Variants in CCP110 observed in about 807,000 individuals in gnomAD.
The protein encoded by CCP110 is centriolar coiled-coil protein 110, also known as centriolar coiled-coil protein of 110 kDa.
Under a neutral mutation model 105.5 loss-of-function variants are expected in CCP110, and 43 were observed. That is an observed-to-expected ratio of 0.41 (90% CI 0.32 to 0.53). The LOEUF is 0.53. CCP110 is among the 20% of genes least tolerant of loss of function. The pLI, the probability that CCP110 is intolerant of heterozygous loss-of-function variation, is 0.32. For missense variants in CCP110, 1,016 were observed against 1,189.1 expected (o/e 0.85, Z 2.14); for synonymous variants, 353 against 392.1 (o/e 0.90, Z 1.18).
At chr16:19,545,134 T>C in exon 10 of CCP110, 18 of 1,612,446 alleles carry the variant, frequency 1.1e-5, no homozygotes, top group Non-Finnish European at 1.5e-5. Context: ...ATATTCTTTG[T>C]AATGGATGCA....
In CCP110 at chr16:19,544,782, C is replaced by T. The variant is rs1411830627; in HGVS notation, c.2485-15C>T. ...TTCTAGAAAAATGTTTTTGAAGGAG[C>T]ATTTCTTTTTTCAGGATACTATGGA... On this transcript the variant is annotated splice_polypyrimidine_tract_variant and intron_variant, in intron 8 of 14. Transcript: ENST00000381396. 1.6e-6 allele frequency: 2 copies of T among 1,266,552 alleles called. No individual in the cohort carries two copies. Among genetic ancestry groups the T allele is most frequent in the South Asian group, 1.3e-5 (1 of 78,572 alleles). 78.5% of individuals were successfully genotyped at this position (1,266,552 alleles called of 1,614,324 possible).
intron 6 of CCP110, 62 bp downstream of exon 6, chr16:19,542,126 G>T: frequency 8.6e-7 from 1 of 1,158,166 alleles, no homozygotes; most frequent in Non-Finnish European, 1.2e-6. Context: ...TATTTATTTG[G>T]CACACTATAA....
chr16:19,537,501 A>G (rs547824119), exon 4 of CCP110: 4 of 1,609,476 alleles, frequency 2.5e-6, no homozygotes, highest in South Asian at 1.1e-5. Flanking sequence ...ATAACTGAAC[A>G]AGAAAGGCAA....
At chr16:19,537,332 A>T in exon 4 of CCP110, 1 of 1,614,130 alleles carries the variant, frequency 6.2e-7, no homozygotes, top group Non-Finnish European at 8.5e-7. Context: ...TCCTTTATTG[A>T]TGCAAAACCA....
In CCP110 at chr16:19,542,155, CA is replaced by C. The variant is rs149881484; in HGVS notation, c.2227+94del. On this transcript the variant is annotated intron_variant, in intron 6 of 14. Transcript: ENST00000381396. The stretch of plus-strand genomic sequence containing the variant: ...ACTATAAGATTATATCTCCTGTTTT[CA>C]AATGATTCCATGTCCAACCCTCTTT... 4.5e-3 allele frequency: 3,831 copies of C among 859,630 alleles called. 123 individuals carry two copies. The African/African-American group carries it at 0.061, about 14-fold the overall frequency. 53.3% of individuals were successfully genotyped at this position (859,630 alleles called of 1,614,324 possible). A position where few individuals can be genotyped will look rare whatever the true frequency, so the allele number is the denominator to read the frequency against.
intron 3 of CCP110, among the ~76,000 whole-genome samples, chr16:19,535,644 G>A (rs114002015): frequency 4.6e-5 from 7 of 152,188 alleles, no homozygotes; most frequent in Admixed American, 2.0e-4. Flanking sequence ...ATGAATATAT[G>A]TGTGTGTGTA....
At chr16:19,532,393 T>TA in intron 2 of CCP110, 23 bp from the exon 3 acceptor site, 1 of 1,557,812 alleles carries the variant, frequency 6.4e-7, no homozygotes, top group Non-Finnish European at 8.7e-7. Flanking sequence ...GGGAAATAAT[T>TA]ACATTTTTAT....
At chr16:19,539,949 G>A (rs1056521774) in intron 4 of CCP110, among the ~76,000 whole-genome samples, 1 of 151,426 alleles carries the variant, frequency 6.6e-6, no homozygotes, top group Non-Finnish European at 1.5e-5. Flanking sequence ...ACAGGCATGC[G>A]CTTGTATTTT....
At chr16:19,527,656 TA>T (rs1271818081) in intron 1 of CCP110, among the ~76,000 whole-genome samples, 17 of 152,292 alleles carry the variant, frequency 1.1e-4, no homozygotes, top group African/African-American at 3.8e-4. Flanking sequence ...TATTCAGAAA[TA>T]TTTAATATAT....
intron 1 of CCP110, chr16:19,524,767 C>T (rs1448564470): frequency 6.6e-6 from 1 of 152,156 alleles, no homozygotes; most frequent in Non-Finnish European, 1.5e-5. Context: ...GTCCCCTTTT[C>T]TATATTTTTC....
chr16:19,529,752 C>T (rs1969797346), intron 2 of CCP110, among the ~76,000 whole-genome samples: 2 of 152,088 alleles, frequency 1.3e-5, no homozygotes, highest in African/African-American at 4.8e-5. Context: ...TCTAATAATT[C>T]TGTTCATATT....
chr16:19,541,839 G>C (rs1970296715), intron 5 of CCP110, 48 bp from the exon 6 acceptor site: 1 of 1,062,860 alleles, frequency 9.4e-7, no homozygotes, highest in Non-Finnish European at 1.3e-6. Flanking sequence ...ATCATTTTGG[G>C]ACATAATTAA....
At position 19,551,178 on chromosome 16, in the gene CCP110, G is replaced by GT. The variant is rs35194214; in HGVS notation, c.2987-14dup. On this transcript the variant is annotated splice_polypyrimidine_tract_variant and intron_variant, in intron 14 of 14. Coordinates refer to ENST00000381396, the Ensembl canonical transcript of CCP110. ...AACCTCCCATTGAGAAGTAATACTG[G>GT]TTTTGCTCTATTTTTAGGAGTATAT... 5 of 1,559,674 alleles carry GT rather than the reference G, an allele frequency of 3.2e-6. No homozygotes were observed. The Admixed American group carries it at 8.4e-5, about 26-fold the overall frequency.
Position 19,535,931 on chromosome 16 carries a change from C to G in CCP110, c.271-9C>G. On this transcript the variant is annotated splice_polypyrimidine_tract_variant and intron_variant, in intron 3 of 14. Coordinates refer to ENST00000381396, the Ensembl canonical transcript of CCP110. ...GAGGAAATATTAATTTTTAAATTTC[C>G]TGTTTCAGGTTAGAAAAGCACCTAA... 6.7e-7 allele frequency: 1 copy of G among 1,501,384 alleles called. No homozygotes were observed. The highest frequency in any genetic ancestry group is 8.9e-7 in the Non-Finnish European group (1 of 1,121,682). The allele number at this position is 1,501,384 out of a possible 1,614,324, so 93.0% of individuals were successfully genotyped here. A position where few individuals can be genotyped will look rare whatever the true frequency, so the allele number is the denominator to read the frequency against.
exon 15 of CCP110, chr16:19,551,440 C>T (rs368149685): frequency 3.4e-5 from 21 of 616,432 alleles, no homozygotes; most frequent in East Asian, 3.0e-4. Flanking sequence ...CTTAATAATA[C>T]GTTTGGGTGA....
At position 19,532,412 on chromosome 16, in the gene CCP110, G is replaced by T; in HGVS notation, c.142-4G>T. On this transcript the variant is annotated splice_polypyrimidine_tract_variant and splice_region_variant and intron_variant, in intron 2 of 14. Coordinates refer to ENST00000381396, the Ensembl canonical transcript of CCP110. ...AATAATTACATTTTTATGATGTTTT[G>T]CAGCTTAACATTGAGAAAAGAAAGG... The T allele has an allele frequency of 6.3e-7, 1 of 1,576,544 alleles. No individual in the cohort carries two copies. Among genetic ancestry groups the T allele is most frequent in the Admixed American group, 2.0e-5 (1 of 48,844 alleles).
intron 10 of CCP110, 44 bp downstream of exon 10, chr16:19,545,254 G>T: frequency 8.9e-7 from 1 of 1,120,752 alleles, no homozygotes. Context: ...TCTGGGTTTA[G>T]GGTAATTGAT....
chr16:19,534,498 A>G (rs1420332075), intron 3 of CCP110, among the ~76,000 whole-genome samples: 1 of 152,194 alleles, frequency 6.6e-6, no homozygotes, highest in East Asian at 1.9e-4. Context: ...ACGTATAAAC[A>G]ACATAGCTTC....
At chr16:19,530,643 A>G (rs1969832855) in intron 2 of CCP110, among the ~76,000 whole-genome samples, 1 of 151,228 alleles carries the variant, frequency 6.6e-6, no homozygotes, top group African/African-American at 2.4e-5. Flanking sequence ...AGATCGAGCC[A>G]CTGCACAACA....
Sources: gnomAD v4.1 joint callset for allele counts (sites outside exome capture counted in the v4.1 genomes callset) on GRCh38, gnomAD v4.1.1 for gene constraint, MANE v1.5 for transcripts, NCBI Gene and HGNC (gene_info 2026-07-23, HGNC 2026-07-21) for gene names.